The following ANTXR1 variants were observed in gnomAD, a reference collection of about 807,000 sequenced individuals.
The protein encoded by ANTXR1 is anthrax toxin receptor 1.
ANTXR1 carries 19 observed loss-of-function variants against 78.1 expected under a neutral mutation model. The observed-to-expected ratio is 0.24, with a 90% CI of 0.17 to 0.36. The LOEUF (loss-of-function observed/expected upper bound fraction) is 0.36. ANTXR1 is among the 10% of genes least tolerant of loss of function. The probability of loss-of-function intolerance (pLI) is 1.00; values close to 1 mark genes in which losing one functional copy is unlikely to be tolerated. For missense variants in ANTXR1, 518 were observed against 718.6 expected (o/e 0.72, Z 3.19); for synonymous variants, 273 against 260.5 (o/e 1.05, Z -0.46).
intron 17 of ANTXR1, among the ~76,000 whole-genome samples, chr2:69,212,522 T>C (rs1354807725): frequency 6.6e-6 from 1 of 152,232 alleles, no homozygotes; most frequent in Non-Finnish European, 1.5e-5. Context: ...AGGCGCAGAC[T>C]GTGACCCCTT....
intron 13 of ANTXR1, among the ~76,000 whole-genome samples, chr2:69,156,526 A>G (rs1056919960): frequency 1.3e-5 from 2 of 152,202 alleles, no homozygotes; most frequent in African/African-American, 4.8e-5. Flanking sequence ...GGTAATTTAT[A>G]AAGAAAAGAG....
At chr2:69,218,363 AG>A (rs562878475) in intron 17 of ANTXR1, among the ~76,000 whole-genome samples, 1,752 of 152,240 alleles carry the variant, frequency 0.012, 35 homozygotes, top group African/African-American at 0.04. Context: ...CTGGAAAAAA[AG>A]GGGGGGATGG....
intron 17 of ANTXR1, among the ~76,000 whole-genome samples, chr2:69,228,495 G>A (rs1225515729): frequency 2.0e-5 from 3 of 152,144 alleles, no homozygotes; most frequent in African/African-American, 4.8e-5. Context: ...ATCTTCACTC[G>A]GTCACTTACT....
chr2:69,074,728 G>A (rs1670677050), intron 6 of ANTXR1, among the ~76,000 whole-genome samples: 1 of 152,182 alleles, frequency 6.6e-6, no homozygotes. Flanking sequence ...GTGTTAAACA[G>A]AAATGGATTT....
intron 17 of ANTXR1, among the ~76,000 whole-genome samples, chr2:69,220,489 GC>G (rs1675292315): frequency 6.6e-6 from 1 of 152,130 alleles, no homozygotes; most frequent in Non-Finnish European, 1.5e-5. Context: ...TGTCAATGGG[GC>G]AACAAGGCAT....
At chr2:69,165,239 T>C (rs1443373343) in intron 13 of ANTXR1, among the ~76,000 whole-genome samples, 1 of 152,250 alleles carries the variant, frequency 6.6e-6, no homozygotes, top group African/African-American at 2.4e-5. Flanking sequence ...GAAGCAGCTC[T>C]CTTGGACTTT....
At chr2:69,222,940 A>T (rs1307100013) in intron 17 of ANTXR1, among the ~76,000 whole-genome samples, 1 of 152,190 alleles carries the variant, frequency 6.6e-6, no homozygotes, top group East Asian at 1.9e-4. Context: ...GTGCATTCAG[A>T]TATGAGGGGA....
intron 17 of ANTXR1, among the ~76,000 whole-genome samples, chr2:69,218,816 G>A (rs4273254): frequency 0.035 from 5,275 of 152,144 alleles, 327 homozygotes; most frequent in African/African-American, 0.12. Context: ...AAAACCAAAG[G>A]CCTATTAAAT....
intron 12 of ANTXR1, among the ~76,000 whole-genome samples, chr2:69,138,355 G>T (rs556557631): frequency 6.6e-6 from 1 of 152,160 alleles, no homozygotes; most frequent in Non-Finnish European, 1.5e-5. Flanking sequence ...GGATCATATT[G>T]TCCTAGTTGG....
Position 69,100,659 on chromosome 2 carries a change from A to G in ANTXR1, c.704-2183A>G, listed in dbSNP as rs147463461. On this transcript the variant is annotated intron_variant, in intron 9 of 17. Coordinates refer to ENST00000303714, the MANE Select transcript of ANTXR1 (RefSeq NM_032208.3). ...GAGGAAACAAGAGAAGTAGGCACAG[A>G]AGTGAGGCAGAAAACATTTGGAATC... Among the ~76,000 whole-genome samples, 761 of 152,356 alleles carry G rather than the reference A, an allele frequency of 5.0e-3. 6 individuals carry two copies. Among genetic ancestry groups the G allele is most frequent in the Middle Eastern group, 0.048 (14 of 294 alleles).
chr2:69,029,320 A>G (rs907284979), intron 1 of ANTXR1, among the ~76,000 whole-genome samples: 1 of 142,040 alleles, frequency 7.0e-6, no homozygotes, highest in Non-Finnish European at 1.5e-5. Flanking sequence ...TTAGATATAT[A>G]TAGATATAGA....
intron 1 of ANTXR1, among the ~76,000 whole-genome samples, chr2:69,039,692 G>C (rs1189365766): frequency 1.3e-5 from 2 of 152,122 alleles, no homozygotes; most frequent in African/African-American, 4.8e-5. Flanking sequence ...TCCCTAATCA[G>C]AGAAATAATT....
intron 1 of ANTXR1, among the ~76,000 whole-genome samples, chr2:69,026,804 T>C (rs1671358007): frequency 6.6e-6 from 1 of 152,188 alleles, no homozygotes; most frequent in Admixed American, 6.5e-5. Flanking sequence ...AACAGTTAGC[T>C]TCTCCCTCAT....
intron 13 of ANTXR1, among the ~76,000 whole-genome samples, chr2:69,158,082 G>C (rs1673575953): frequency 1.3e-5 from 2 of 152,146 alleles, no homozygotes; most frequent in African/African-American, 4.8e-5. Flanking sequence ...TTGCCTGTTT[G>C]CTTGTCTGTC....
intron 12 of ANTXR1, among the ~76,000 whole-genome samples, chr2:69,128,795 C>T (rs1179056092): frequency 6.6e-6 from 1 of 152,186 alleles, no homozygotes; most frequent in Non-Finnish European, 1.5e-5. Context: ...CAAAAGTGAT[C>T]CCCTGGGTCT....
intron 3 of ANTXR1, among the ~76,000 whole-genome samples, chr2:69,065,615 G>A (rs58450445): frequency 0.037 from 5,568 of 152,146 alleles, 297 homozygotes; most frequent in East Asian, 0.22. Context: ...ATGTTACTGT[G>A]TATAAATTGT....
chr2:69,215,420 G>A (rs1675151254), intron 17 of ANTXR1, among the ~76,000 whole-genome samples: 1 of 152,166 alleles, frequency 6.6e-6, no homozygotes, highest in Non-Finnish European at 1.5e-5. Context: ...ATATCTTACA[G>A]CTCAGAGCAT....
intron 17 of ANTXR1, among the ~76,000 whole-genome samples, chr2:69,213,946 G>A (rs1675114305): frequency 6.6e-6 from 1 of 152,244 alleles, no homozygotes; most frequent in Admixed American, 6.5e-5. Context: ...GGCCAGTGTG[G>A]GGCATGGGAG....
intron 17 of ANTXR1, 124 bp from the exon 18 acceptor site, chr2:69,245,101 C>A: frequency 9.1e-7 from 1 of 1,098,040 alleles, no homozygotes; most frequent in Non-Finnish European, 1.4e-6. Context: ...CTATGTGCCA[C>A]TAGAGAGTTG....
Sources: allele counts gnomAD v4.1 joint callset (sites outside exome capture counted in the v4.1 genomes callset), GRCh38; gene constraint gnomAD v4.1.1; transcripts MANE v1.5; gene names NCBI Gene and HGNC (gene_info 2026-07-23, HGNC 2026-07-21).